The following RGS3 variants were observed in gnomAD, a reference collection of about 807,000 sequenced individuals.
The protein encoded by RGS3 is regulator of G protein signaling 3.
In RGS3, 80 loss-of-function variants were observed where a neutral mutation model predicts 132.6. The ratio of observed to expected loss-of-function variants is 0.60; its 90% CI spans 0.50 to 0.73. RGS3 has a LOEUF of 0.73. Among genes scored for constraint, RGS3 ranks in the 30% least tolerant of loss-of-function variants. The pLI is 0.00. For synonymous variants in RGS3, 598 were observed against 620.6 expected, an observed-to-expected ratio of 0.96 and a Z score of 0.54; for missense variants, 1,382 against 1,530.8, an observed-to-expected ratio of 0.90 and a Z score of 1.62.
At chr9:113,569,145 C>T (rs1834144423) in intron 19 of RGS3, among the ~76,000 whole-genome samples, 1 of 152,176 alleles carries the variant, frequency 6.6e-6, no homozygotes, top group Non-Finnish European at 1.5e-5. Context: ...GTCAGCGGCT[C>T]CCAACTTAGA....
chr9:113,522,059 A>G (rs2119406846), intron 16 of RGS3, among the ~76,000 whole-genome samples: 1 of 152,372 alleles, frequency 6.6e-6, no homozygotes, highest in South Asian at 2.1e-4. Context: ...CTTTAGTGGC[A>G]TTAAAGGATC....
chr9:113,583,411 C>G (rs1322643757), intron 19 of RGS3, 39 bp from the exon 18 acceptor site: 1 of 1,605,862 alleles, frequency 6.2e-7, no homozygotes, highest in South Asian at 1.1e-5. Flanking sequence ...CTTGGAGCCT[C>G]CTCTTCTGAA....
In RGS3 at chr9:113,583,498, G is replaced by A. The variant is rs775288536; in HGVS notation, c.2086G>A (p.Gly696Arg). Residue 696 changes from glycine (G) to arginine (R), a missense_variant, in exon 20 of 25, where the codon GGG becomes AGG. By Grantham distance (125) the Gly-to-Arg change is moderately radical (BLOSUM62 -2). Transcript: ENST00000350696. The stretch of plus-strand genomic sequence containing the variant: ...GAAGAGGGAGATGGCCTTGGAGGAA[G>A]GGAAGGGGCCTGGTGCCGAGGATTC... 1.9e-6 allele frequency: 3 copies of A among 1,614,216 alleles called. No homozygotes were observed. The South Asian group carries it at 3.3e-5, about 18-fold the overall frequency.
intron 10 of RGS3, among the ~76,000 whole-genome samples, chr9:113,499,606 C>T (rs982804718): frequency 1.3e-5 from 2 of 152,234 alleles, no homozygotes; most frequent in Non-Finnish European, 2.9e-5. Context: ...TTCACTCATT[C>T]ATCATTCATT....
intron 10 of RGS3, 167 bp from the exon 9 acceptor site, chr9:113,505,275 T>C: frequency 1.6e-6 from 1 of 619,510 alleles, no homozygotes; most frequent in Non-Finnish European, 2.9e-6. Flanking sequence ...GCTCAAGTTG[T>C]CTGGGCTGAG....
At chr9:113,558,469 C>T (rs1833657777) in intron 19 of RGS3, among the ~76,000 whole-genome samples, 1 of 152,082 alleles carries the variant, frequency 6.6e-6, no homozygotes, top group Non-Finnish European at 1.5e-5. Flanking sequence ...TGCCATTGCA[C>T]TCCAGCCTGG....
intron 3 of RGS3, among the ~76,000 whole-genome samples, chr9:113,469,268 C>G (rs1286409807): frequency 2.0e-5 from 3 of 152,154 alleles, no homozygotes; most frequent in Non-Finnish European, 4.4e-5. Flanking sequence ...TCCCTGCCAG[C>G]TGCCCCTGGC....
At chr9:113,494,506 G>C (rs1005382280) in intron 7 of RGS3, among the ~76,000 whole-genome samples, 1 of 152,122 alleles carries the variant, frequency 6.6e-6, no homozygotes, top group Non-Finnish European at 1.5e-5. Flanking sequence ...CCTCCTGTTA[G>C]TGCTGACTTG....
intron 7 of RGS3, among the ~76,000 whole-genome samples, chr9:113,494,862 ATTCTTCTTC>A (rs149529317): frequency 0.013 from 1,969 of 151,626 alleles, 40 homozygotes; most frequent in African/African-American, 0.046. Context: ...GGAACTCTGA[ATTCTTCTTC>A]TTCTTCTTCT....
Position 113,537,694 on chromosome 9 carries a change from G to A in RGS3, c.2037+776G>A, listed in dbSNP as rs973741540. Among the ~76,000 whole-genome samples, 5 of 152,234 alleles carry A rather than the reference G, an allele frequency of 3.3e-5. No individual in the cohort carries two copies. Among genetic ancestry groups the A allele is most frequent in the African/African-American group, 9.6e-5 (4 of 41,454 alleles). On this transcript the variant is annotated intron_variant, in intron 19 of 24. Transcript: ENST00000350696. The surrounding 1 kb of genome is among the most constrained non-coding windows in gnomAD (Gnocchi z 4.3). ...GGTGGTTGCTCTGCTGGATCTGGGC[G>A]AAGAGGAGAGATGAAAGAAAGCTGC...
chr9:113,474,691 T>A (rs1829936939), intron 3 of RGS3, among the ~76,000 whole-genome samples: 2 of 152,188 alleles, frequency 1.3e-5, no homozygotes, highest in African/African-American at 4.8e-5. Flanking sequence ...CTGGATATCA[T>A]CACCCTTCCT....
intron 4 of RGS3, among the ~76,000 whole-genome samples, chr9:113,482,284 A>G (rs939174429): frequency 6.6e-6 from 1 of 152,122 alleles, no homozygotes; most frequent in Non-Finnish European, 1.5e-5. Flanking sequence ...CTTATTTGCC[A>G]GGCACTCCTC....
At chr9:113,477,563 A>G (rs944451898) in intron 3 of RGS3, among the ~76,000 whole-genome samples, 1 of 152,220 alleles carries the variant, frequency 6.6e-6, no homozygotes, top group East Asian at 1.9e-4. Context: ...TTCAAGAGGC[A>G]TGTCCAGAGC....
intron 3 of RGS3, among the ~76,000 whole-genome samples, chr9:113,478,129 G>A (rs1341555291): frequency 2.6e-5 from 4 of 152,072 alleles, no homozygotes; most frequent in Non-Finnish European, 5.9e-5. Flanking sequence ...GGAAAAGCCA[G>A]GGGATAAACC....
At chr9:113,497,052 G>C (rs533473667) in intron 8 of RGS3, among the ~76,000 whole-genome samples, 14 of 152,202 alleles carry the variant, frequency 9.2e-5, no homozygotes, top group Non-Finnish European at 1.8e-4. Context: ...ACAACTTAGT[G>C]GGGGAGACAG....
At chr9:113,486,918 G>T (rs79261692) in intron 7 of RGS3, among the ~76,000 whole-genome samples, 1 of 152,018 alleles carries the variant, frequency 6.6e-6, no homozygotes, top group African/African-American at 2.4e-5. Context: ...CATTTCCTGG[G>T]TATCACTGTG....
At chr9:113,595,210 G>A (rs544784071) in intron 23 of RGS3, 41 of 592,236 alleles carry the variant, frequency 6.9e-5, no homozygotes, top group Non-Finnish European at 1.2e-4. Flanking sequence ...GCCTGCCGGA[G>A]GCCCGTGGGA....
chr9:113,551,003 A>G (rs1230397600), intron 19 of RGS3, among the ~76,000 whole-genome samples: 2 of 152,240 alleles, frequency 1.3e-5, no homozygotes, highest in Admixed American at 1.3e-4. Context: ...TCACCCATTT[A>G]AAGTACACAA....
chr9:113,519,376 C>G (rs1035260310), intron 16 of RGS3, among the ~76,000 whole-genome samples: 15 of 152,018 alleles, frequency 9.9e-5, no homozygotes, highest in Non-Finnish European at 1.8e-4. Context: ...ACCAAGAGAC[C>G]CCTCTCCCTT....
Sources: gnomAD v4.1 joint callset for allele counts (sites outside exome capture counted in the v4.1 genomes callset) on GRCh38, gnomAD v4.1.1 for gene constraint, Gnocchi (gnomAD v3.1) non-coding constraint, MANE v1.5 for transcripts, NCBI Gene and HGNC (gene_info 2026-07-23, HGNC 2026-07-21) for gene names.